Variants in DCDC1 observed in about 807,000 individuals in gnomAD.
The protein encoded by DCDC1 is doublecortin domain-containing protein 1.
DCDC1 carries 200 observed loss-of-function variants against 178.3 expected under a neutral mutation model. The ratio of observed to expected loss-of-function variants is 1.12; its 90% CI spans 1.00 to 1.26. The LOEUF (loss-of-function observed/expected upper bound fraction) is 1.26. DCDC1 is among the 50% of genes most tolerant of loss of function. The pLI is 0.00. For synonymous variants in DCDC1, 690 were observed against 604.8 expected (o/e 1.14, Z -2.07); for missense variants, 1,983 against 1,749.2 (o/e 1.13, Z -2.38).
intron 20 of DCDC1, among the ~76,000 whole-genome samples, chr11:31,025,355 C>G (rs1246960223): frequency 6.6e-6 from 1 of 151,710 alleles, no homozygotes; most frequent in African/African-American, 2.4e-5. Context: ...TAACTTTTTT[C>G]TATATGAAAA....
At chr11:31,220,256 T>A (rs1032385258) in intron 9 of DCDC1, among the ~76,000 whole-genome samples, 17 of 152,234 alleles carry the variant, frequency 1.1e-4, no homozygotes, top group African/African-American at 4.1e-4. Flanking sequence ...AAACGTGTAA[T>A]GGGCAATATT....
intron 17 of DCDC1, among the ~76,000 whole-genome samples, chr11:31,081,699 T>C (rs1227407672): frequency 6.6e-6 from 1 of 152,204 alleles, no homozygotes; most frequent in Non-Finnish European, 1.5e-5. Context: ...GCTTCAATTC[T>C]GTTCTGGCAT....
chr11:31,141,257 G>C (rs1963791773), intron 9 of DCDC1, among the ~76,000 whole-genome samples: 1 of 151,960 alleles, frequency 6.6e-6, no homozygotes, highest in Non-Finnish European at 1.5e-5. Context: ...AGTAACTCTA[G>C]AGTTCAATTA....
chr11:31,149,336 C>T (rs1964864070), intron 9 of DCDC1, among the ~76,000 whole-genome samples: 1 of 152,040 alleles, frequency 6.6e-6, no homozygotes, highest in Admixed American at 6.6e-5. Flanking sequence ...CCAATCAGTG[C>T]TCTGTGTCTA....
chr11:31,087,630 G>A (rs1181780220), intron 17 of DCDC1, among the ~76,000 whole-genome samples: 2 of 151,778 alleles, frequency 1.3e-5, no homozygotes, highest in African/African-American at 4.8e-5. Context: ...AAATATCTGG[G>A]GGTTTTGCAG....
chr11:31,106,887 C>T lies in DCDC1; in HGVS notation c.1661G>A (p.Arg554Gln), dbSNP rs762541396. The change falls in exon 13 of 39, where the codon CGG becomes CAG. Residue 554 changes from arginine to glutamine, a missense_variant. Coordinates refer to ENST00000684477, the MANE Select transcript of DCDC1 (RefSeq NM_001387274.1). ...TTCTTGGCCATTCTCATCAAAAAGC[C>T]GCATTGAAGAATAATTGAGGCCTGG... is the stretch of plus-strand genomic sequence containing the variant. ...NPPGLNYSSM[R>Q]LFDENGQEIK... The T allele has an allele frequency of 4.3e-5, 33 of 765,936 alleles. 1 individual carries two copies. Among genetic ancestry groups the T allele is most frequent in the Admixed American group, 6.8e-5 (4 of 58,922 alleles). 47.4% of individuals were successfully genotyped at this position (765,936 alleles called of 1,614,324 possible). A position where few individuals can be genotyped will look rare whatever the true frequency, so the allele number is the denominator to read the frequency against.
intron 9 of DCDC1, among the ~76,000 whole-genome samples, chr11:31,199,873 A>G (rs558853214): frequency 1.3e-5 from 2 of 152,256 alleles, no homozygotes; most frequent in South Asian, 4.1e-4. Flanking sequence ...TAGTAATTCA[A>G]TGTTTTTTCA....
Position 31,127,589 on chromosome 11 carries a change from A to T in DCDC1, c.1365T>A (p.Gly455=), listed in dbSNP as rs1386778325. ...ATTGGGGGCCAAGTTTACAGAGATGACCTATGTTACTTTTGATAGCTGTCT... is the reference window on the plus strand; with the variant it reads ...ATTGGGGGCCAAGTTTACAGAGATGTCCTATGTTACTTTTGATAGCTGTCT... The part of the protein sequence containing the change: ...ELQTAIKSNI[G]HLCKLGPQLQ... The change falls in exon 11 of 39, where the codon GGT becomes GGA. Residue 455 remains glycine (G), a synonymous_variant. Coordinates refer to ENST00000684477, the MANE Select transcript of DCDC1 (RefSeq NM_001387274.1). 7.1e-6 allele frequency: 5 copies of T among 702,606 alleles called. No homozygotes were observed. Among genetic ancestry groups the T allele is most frequent in the South Asian group, 5.9e-5 (4 of 67,590 alleles). 43.5% of individuals were successfully genotyped at this position (702,606 alleles called of 1,614,324 possible). A position where few individuals can be genotyped will look rare whatever the true frequency, so the allele number is the denominator to read the frequency against.
At chr11:31,321,459 A>T (rs1264092063) in intron 3 of DCDC1, among the ~76,000 whole-genome samples, 1 of 151,276 alleles carries the variant, frequency 6.6e-6, no homozygotes, top group African/African-American at 2.4e-5. Context: ...TGGAAAGGGA[A>T]CTCCCTGACC....
intron 20 of DCDC1, among the ~76,000 whole-genome samples, chr11:31,039,580 A>T (rs981416053): frequency 3.3e-5 from 5 of 152,214 alleles, no homozygotes; most frequent in African/African-American, 1.2e-4. Flanking sequence ...GGTACATTTC[A>T]GTATTATTTT....
intron 20 of DCDC1, among the ~76,000 whole-genome samples, chr11:31,063,274 A>G (rs996351690): frequency 8.5e-5 from 13 of 152,084 alleles, no homozygotes; most frequent in African/African-American, 2.9e-4. Context: ...TAGTTCAACC[A>G]TTGTGGAAGT....
chr11:30,934,221 C>T (rs957001049), intron 21 of DCDC1, among the ~76,000 whole-genome samples: 3 of 152,080 alleles, frequency 2.0e-5, no homozygotes, highest in Non-Finnish European at 2.9e-5. Context: ...ATTTATTAGG[C>T]GACCCCCTAG....
intron 20 of DCDC1, among the ~76,000 whole-genome samples, chr11:31,030,263 T>A (rs529731941): frequency 2.6e-4 from 39 of 152,242 alleles, no homozygotes; most frequent in African/African-American, 8.9e-4. Flanking sequence ...CCTTTGAGTA[T>A]AATAGAAACA....
chr11:31,130,026 C>T (rs1016654665), intron 10 of DCDC1, among the ~76,000 whole-genome samples: 7 of 152,118 alleles, frequency 4.6e-5, no homozygotes, highest in African/African-American at 1.7e-4. Context: ...TAACCCAACA[C>T]TCTGATCCCA....
chr11:31,007,472 G>A (rs1052631856), intron 20 of DCDC1, among the ~76,000 whole-genome samples: 1 of 152,128 alleles, frequency 6.6e-6, no homozygotes, highest in Non-Finnish European at 1.5e-5. Flanking sequence ...ACACTCCAAC[G>A]CTGATATACT....
intron 9 of DCDC1, among the ~76,000 whole-genome samples, chr11:31,240,244 T>C (rs1002866516): frequency 2.6e-5 from 4 of 151,980 alleles, no homozygotes; most frequent in Non-Finnish European, 4.4e-5. Context: ...TGCAATAAAA[T>C]ATTTTATACT....
intron 10 of DCDC1, among the ~76,000 whole-genome samples, chr11:31,130,123 G>A (rs533794348): frequency 1.8e-4 from 27 of 152,162 alleles, no homozygotes; most frequent in Non-Finnish European, 2.1e-4. Flanking sequence ...AGTGTATGTC[G>A]CTTGATGCCT....
intron 6 of DCDC1, among the ~76,000 whole-genome samples, chr11:31,295,746 C>A (rs1408103950): frequency 6.6e-6 from 1 of 152,274 alleles, no homozygotes; most frequent in Admixed American, 6.5e-5. Flanking sequence ...ATTCCCTCAA[C>A]AAGTCTCTTG....
intron 27 of DCDC1, among the ~76,000 whole-genome samples, chr11:30,914,566 A>C (rs987859253): frequency 1.3e-5 from 2 of 152,046 alleles, no homozygotes; most frequent in Admixed American, 1.3e-4. Flanking sequence ...ATTTGAAGCA[A>C]ACCAATCTAA....
Sources: allele counts gnomAD v4.1 joint callset (sites outside exome capture counted in the v4.1 genomes callset), GRCh38; gene constraint gnomAD v4.1.1; transcripts MANE v1.5; gene names NCBI Gene and HGNC (gene_info 2026-07-23, HGNC 2026-07-21).